INO80: variants seen among roughly 807,000 people sequenced by gnomAD.
INO80 encodes chromatin-remodeling ATPase INO80.
INO80 carries 20 observed loss-of-function variants against 203.4 expected under a neutral mutation model. The ratio of observed to expected loss-of-function variants is 0.10; its 90% CI spans 0.07 to 0.14. INO80 has a LOEUF of 0.14. Ranked by LOEUF, INO80 falls within the 10% of genes least tolerant of loss-of-function variation. INO80 has a pLI of 1.00. For synonymous variants in INO80, 726 were observed against 685.2 expected (o/e 1.06, Z -0.93); for missense variants, 1,419 against 1,914.4 (o/e 0.74, Z 4.83).
In INO80 at chr15:40,990,246, G is replaced by C. The variant is rs8027492; in HGVS notation, c.3571-2272C>G. ...ACAACCTACAGTAGTAACAAAACTT[G>C]GCATTGCCTACCTACCTTGGTCCAA... is the stretch of plus-strand genomic sequence containing the variant. On this transcript the variant is annotated intron_variant, in intron 29 of 35. Coordinates refer to ENST00000648947, the MANE Select transcript of INO80 (RefSeq NM_017553.3). 2.5e-3 allele frequency among the ~76,000 whole-genome samples: 385 copies of C among 152,230 alleles called. 1 individual carries two copies. The highest frequency in any genetic ancestry group is 8.7e-3 in the African/African-American group (360 of 41,556).
intron 27 of INO80, among the ~76,000 whole-genome samples, chr15:41,006,771 C>T (rs149038749): frequency 1.3e-3 from 192 of 152,270 alleles, no homozygotes; most frequent in Non-Finnish European, 2.1e-3. Flanking sequence ...TTGACATATG[C>T]ATCTTCATTG....
chr15:41,044,815 C>T, intron 24 of INO80, 89 bp downstream of exon 24: 2 of 1,347,794 alleles, frequency 1.5e-6, no homozygotes, highest in Middle Eastern at 2.3e-4. Flanking sequence ...TTCTCTCAGG[C>T]CTTCATTTAC....
At chr15:40,983,225 T>A in intron 34 of INO80, 148 bp from the exon 35 acceptor site, 1 of 612,030 alleles carries the variant, frequency 1.6e-6, no homozygotes, top group East Asian at 2.7e-5. Flanking sequence ...CACTTAATGA[T>A]GGCTAGACCA....
chr15:41,059,638 A>C (rs2045066133), intron 15 of INO80, among the ~76,000 whole-genome samples: 1 of 151,392 alleles, frequency 6.6e-6, no homozygotes, highest in African/African-American at 2.4e-5. Flanking sequence ...TGGGCAACAG[A>C]GCAAGACCTT....
chr15:41,037,733 AG>A (rs1019813779), intron 24 of INO80, among the ~76,000 whole-genome samples: 3 of 152,044 alleles, frequency 2.0e-5, no homozygotes, highest in African/African-American at 7.2e-5. Context: ...ACTTGAGACC[AG>A]GAGTTCGAGA....
rs544571580 is a variant in INO80, at chr15:41,027,597, C to T, written c.3047G>A (p.Arg1016Gln). Residue 1016 changes from arginine to glutamine, a missense_variant and splice_region_variant, in exon 25 of 36, where the codon CGA (arginine) becomes CAA (glutamine). Physicochemically the swap from Arg to Gln is conservative, Grantham distance 43 (BLOSUM62 1). Coordinates refer to ENST00000648947, the MANE Select transcript of INO80 (RefSeq NM_017553.3). ...LPSFLCVASPRVTAVPLDSYC... is the reference protein window; with the variant it reads ...LPSFLCVASPQVTAVPLDSYC... ...TCTCTTCCCTCCTGGAGCACTTACT[C>T]GTGGACTGGCCACACACAAAAAAGA... 3.7e-6 allele frequency: 6 copies of T among 1,607,422 alleles called. No homozygotes were observed. In the South Asian group the frequency reaches 6.7e-5, roughly 18 times the overall value.
chr15:41,009,742 T>C (rs1036793687), intron 27 of INO80, among the ~76,000 whole-genome samples: 3 of 152,002 alleles, frequency 2.0e-5, no homozygotes, highest in Non-Finnish European at 4.4e-5. Context: ...CATGCACTAC[T>C]ATGCCCAGCT....
intron 19 of INO80, among the ~76,000 whole-genome samples, chr15:41,051,451 T>C (rs1352878369): frequency 6.6e-6 from 1 of 151,120 alleles, no homozygotes; most frequent in Admixed American, 6.7e-5. Context: ...AAGAAACACA[T>C]ACTATACACA....
chr15:41,032,003 C>CACAGG (rs2044488567), intron 24 of INO80, among the ~76,000 whole-genome samples: 4 of 46,674 alleles, frequency 8.6e-5, no homozygotes, highest in African/African-American at 1.2e-4. Flanking sequence ...CACAGGACAG[C>CACAGG]ACAGCACAGC....
chr15:41,050,800 A>G lies in INO80; in HGVS notation c.2275-698T>C, dbSNP rs148943210. ...AAATCTTCAATGTGCATTTTTGCCT[A>G]AAGTAAAATGTTGAAACTTCTCATC... On this transcript the variant is annotated intron_variant, in intron 19 of 35. Coordinates refer to ENST00000648947, the MANE Select transcript of INO80 (RefSeq NM_017553.3). Among the ~76,000 whole-genome samples, 12 of 152,304 alleles carry G rather than the reference A, an allele frequency of 7.9e-5. No homozygotes were observed. In the East Asian group the frequency reaches 1.7e-3, roughly 22 times the overall value.
At chr15:41,084,900 T>G (rs531204509) in intron 7 of INO80, among the ~76,000 whole-genome samples, 5 of 152,058 alleles carry the variant, frequency 3.3e-5, no homozygotes, top group Non-Finnish European at 7.4e-5. Context: ...CTACGCCCAG[T>G]TCATTTTTGT....
At chr15:41,003,969 G>C (rs930884675) in intron 28 of INO80, among the ~76,000 whole-genome samples, 2 of 152,156 alleles carry the variant, frequency 1.3e-5, no homozygotes, top group Middle Eastern at 3.2e-3. Context: ...TCTGAGGCTG[G>C]AGTAGGTAAG....
intron 19 of INO80, among the ~76,000 whole-genome samples, chr15:41,051,881 C>A (rs2044879153): frequency 6.6e-6 from 1 of 152,120 alleles, no homozygotes; most frequent in Admixed American, 6.5e-5. Flanking sequence ...TCGCTTGAAT[C>A]CGGCAGGCGG....
chr15:41,073,223 T>C (rs2045352426), intron 11 of INO80, among the ~76,000 whole-genome samples: 1 of 152,350 alleles, frequency 6.6e-6, no homozygotes, highest in African/African-American at 2.4e-5. Flanking sequence ...TTCGTTTTTC[T>C]GCCTTTCTTC....
At chr15:41,091,454 T>C (rs939403827) in intron 5 of INO80, among the ~76,000 whole-genome samples, 13 of 152,178 alleles carry the variant, frequency 8.5e-5, no homozygotes, top group Non-Finnish European at 1.5e-4. Flanking sequence ...TTGCTGCACC[T>C]ATCAACCCAT....
intron 7 of INO80, among the ~76,000 whole-genome samples, chr15:41,081,863 G>C (rs760929818): frequency 8.5e-4 from 130 of 152,098 alleles, no homozygotes; most frequent in Admixed American, 3.9e-3. Context: ...GCAAATTTAA[G>C]GGAATATATG....
intron 27 of INO80, chr15:41,013,123 A>G (rs2044156631): frequency 6.6e-6 from 1 of 152,184 alleles, no homozygotes; most frequent in Non-Finnish European, 1.5e-5. Context: ...AAAAACCCAA[A>G]AAGGCTGTTG....
intron 8 of INO80, among the ~76,000 whole-genome samples, chr15:41,080,791 G>A (rs2045474055): frequency 6.6e-6 from 1 of 152,148 alleles, no homozygotes; most frequent in Non-Finnish European, 1.5e-5. Context: ...GACGGTGGTT[G>A]CAGTGAGCCA....
intron 1 of INO80, among the ~76,000 whole-genome samples, chr15:41,103,131 GA>G (rs1389673864): frequency 6.6e-6 from 1 of 152,064 alleles, no homozygotes; most frequent in Non-Finnish European, 1.5e-5. Flanking sequence ...CAATTATTCA[GA>G]CTCAAAATCT....
Sources: allele counts gnomAD v4.1 joint callset (sites outside exome capture counted in the v4.1 genomes callset), GRCh38; gene constraint gnomAD v4.1.1; transcripts MANE v1.5; gene names NCBI Gene and HGNC (gene_info 2026-07-23, HGNC 2026-07-21).